Variants in PDE4D observed in about 807,000 individuals in gnomAD.
PDE4D encodes phosphodiesterase 4D.
Under a neutral mutation model 87.4 loss-of-function variants are expected in PDE4D, and 24 were observed. The ratio of observed to expected loss-of-function variants is 0.27; its 90% CI spans 0.20 to 0.39. The LOEUF is 0.39. Among genes scored for constraint, PDE4D ranks in the 10% least tolerant of loss-of-function variants. PDE4D has a pLI of 1.00. For synonymous variants in PDE4D, 384 were observed against 383.2 expected (o/e 1.00, Z -0.02); for missense variants, 714 against 1,041.0 (o/e 0.69, Z 4.32).
At position 58,988,523 on chromosome 5, in the gene PDE4D, C is replaced by G; in HGVS notation, c.1522G>C (p.Gly508Arg). 6.7e-7 allele frequency: 1 copy of G among 1,496,368 alleles called. No individual in the cohort carries two copies. The highest frequency in any genetic ancestry group is 9.0e-7 in the Non-Finnish European group (1 of 1,111,474). The allele number at this position is 1,496,368 out of a possible 1,614,324, so 92.7% of individuals were successfully genotyped here. A position where few individuals can be genotyped will look rare whatever the true frequency, so the allele number is the denominator to read the frequency against. ...ASAIHDVDHP[G>R]VSNQFLINTN... ...TTGATCAGAAATTGATTGGACACAC[C>G]AGGATGATCTACATCATGTATTGCA... Residue 508 changes from glycine to arginine, a missense_variant, in exon 11 of 15, where the codon GGT becomes CGT. Around this residue, in one of 7 missense-constraint regions of PDE4D, gnomAD observed 141 missense variants for 204.3 expected, o/e 0.69. Transcript: ENST00000340635.
rs556790679 is a variant in PDE4D, at chr5:58,986,618, T to A, written c.1552+1875A>T. On this transcript the variant is annotated intron_variant, in intron 11 of 14. Coordinates refer to ENST00000340635, the MANE Select transcript of PDE4D (RefSeq NM_001104631.2). ...AGGGATCTAGGTTGTGCGTTCCTTA[T>A]GAGAATCTAACTAATGCCTGATGAT... Among the ~76,000 whole-genome samples the A allele has an allele frequency of 2.0e-5, 3 of 152,110 alleles. No individual in the cohort carries two copies. In the South Asian group the frequency reaches 6.2e-4, roughly 32 times the overall value.
intron 2 of PDE4D, among the ~76,000 whole-genome samples, chr5:59,208,969 TG>T (rs1420738387): frequency 1.3e-5 from 2 of 152,056 alleles, no homozygotes; most frequent in Non-Finnish European, 2.9e-5. Flanking sequence ...CACACAGCAA[TG>T]GAAGAAAAAG....
intron 2 of PDE4D, among the ~76,000 whole-genome samples, chr5:60,090,335 C>A (rs1241434791): frequency 6.6e-6 from 1 of 152,058 alleles, no homozygotes; most frequent in Non-Finnish European, 1.5e-5. Context: ...TCATTATGAC[C>A]AAGTGGGATT....
At chr5:59,486,739 C>T (rs1293186851) in intron 1 of PDE4D, among the ~76,000 whole-genome samples, 5 of 152,134 alleles carry the variant, frequency 3.3e-5, no homozygotes, top group Non-Finnish European at 4.4e-5. Flanking sequence ...TACATTACTT[C>T]CCTTTCTGAG....
intron 1 of PDE4D, among the ~76,000 whole-genome samples, chr5:59,637,916 G>A (rs1340938993): frequency 2.0e-5 from 3 of 152,144 alleles, no homozygotes; most frequent in Non-Finnish European, 2.9e-5. Context: ...TCACTTCAAA[G>A]ACACATCTTT....
At chr5:59,019,815 A>G (rs78718600) in intron 6 of PDE4D, among the ~76,000 whole-genome samples, 15,251 of 152,138 alleles carry the variant, frequency 0.1, 1,017 homozygotes, top group Non-Finnish European at 0.13. Flanking sequence ...ATTAACACAC[A>G]ACAGGCTTAC....
rs961195273 is a variant in PDE4D, at chr5:59,878,899, T to G, written c.455+14269A>C. ...TCTACCGAAGTAAGTTTTTTTTTTT[T>G]TTTTTTTTTTTTTTTTTGAGACAGA... On this transcript the variant is annotated intron_variant, in intron 1 of 14. Coordinates refer to ENST00000340635, the MANE Select transcript of PDE4D (RefSeq NM_001104631.2). 3.2e-3 allele frequency among the ~76,000 whole-genome samples: 407 copies of G among 128,032 alleles called. 6 individuals are homozygous for G. Among genetic ancestry groups the G allele is most frequent in the African/African-American group, 0.013 (390 of 30,638 alleles). The allele number at this position is 128,032 out of a possible 152,430, so 84.0% of individuals were successfully genotyped here. A position where few individuals can be genotyped will look rare whatever the true frequency, so the allele number is the denominator to read the frequency against.
intron 1 of PDE4D, among the ~76,000 whole-genome samples, chr5:59,802,101 A>G (rs1409508746): frequency 6.6e-6 from 1 of 152,190 alleles, no homozygotes; most frequent in Non-Finnish European, 1.5e-5. Context: ...GTACTTAAGA[A>G]ACTCTAAAAC....
chr5:59,970,173 G>T (rs1483183954), intron 3 of PDE4D, among the ~76,000 whole-genome samples: 1 of 152,148 alleles, frequency 6.6e-6, no homozygotes, highest in East Asian at 1.9e-4. Flanking sequence ...CTTTCTCAGT[G>T]GACTAACAGC....
chr5:59,402,780 T>G (rs913577481), intron 1 of PDE4D, among the ~76,000 whole-genome samples: 8 of 151,884 alleles, frequency 5.3e-5, no homozygotes, highest in Non-Finnish European at 8.8e-5. Flanking sequence ...CTCAAACTAT[T>G]TTTTTTTAAA....
intron 5 of PDE4D, among the ~76,000 whole-genome samples, chr5:59,048,340 A>G (rs376892180): frequency 6.6e-6 from 1 of 152,244 alleles, no homozygotes; most frequent in African/African-American, 2.4e-5. Flanking sequence ...TTTCCATCAT[A>G]TACTATCAAT....
intron 1 of PDE4D, among the ~76,000 whole-genome samples, chr5:59,539,885 C>T (rs1487170518): frequency 6.6e-6 from 1 of 152,004 alleles, no homozygotes; most frequent in Non-Finnish European, 1.5e-5. Flanking sequence ...CTTCAAAATT[C>T]TAAATATTGT....
rs114214949 is a variant in PDE4D at position 60,162,616 on chromosome 5, C to T, written c.42+22941G>A. On this transcript the variant is annotated intron_variant, in intron 2 of 16. Transcript: ENST00000502484. ...ATCTACATCAGAATGACCTGGGGAG[C>T]TTGTTTAACTGTGGCAATTCCTGGA... 2.6e-3 allele frequency among the ~76,000 whole-genome samples: 403 copies of T among 152,170 alleles called. 3 individuals carry two copies. Among genetic ancestry groups the T allele is most frequent in the African/African-American group, 9.3e-3 (387 of 41,530 alleles).
At chr5:59,294,109 A>G (rs1768578730) in intron 1 of PDE4D, among the ~76,000 whole-genome samples, 1 of 152,174 alleles carries the variant, frequency 6.6e-6, no homozygotes, top group Non-Finnish European at 1.5e-5. Flanking sequence ...TCTTTGGATT[A>G]TGTAAAATTA....
chr5:59,539,739 T>TCAAAAATAA (rs1561159245), intron 1 of PDE4D, among the ~76,000 whole-genome samples: 1 of 152,084 alleles, frequency 6.6e-6, no homozygotes, highest in Non-Finnish European at 1.5e-5. Flanking sequence ...TCTTAATTTT[T>TCAAAAATAA]CAAAAATAAC....
intron 1 of PDE4D, among the ~76,000 whole-genome samples, chr5:59,722,255 T>G (rs1212207763): frequency 1.3e-5 from 2 of 152,218 alleles, no homozygotes; most frequent in Non-Finnish European, 2.9e-5. Flanking sequence ...TCTTTTGACA[T>G]AAATAAGATG....
intron 1 of PDE4D, among the ~76,000 whole-genome samples, chr5:59,672,389 T>G (rs979163496): frequency 2.0e-5 from 3 of 152,120 alleles, no homozygotes; most frequent in African/African-American, 7.2e-5. Context: ...ATGAAAAAGT[T>G]TATATCACCC....
intron 11 of PDE4D, among the ~76,000 whole-genome samples, chr5:58,987,650 A>C (rs1330581785): frequency 2.1e-5 from 3 of 139,628 alleles, no homozygotes; most frequent in Non-Finnish European, 4.7e-5. Flanking sequence ...AATGAAAGAA[A>C]GGTGGATTCT....
intron 1 of PDE4D, among the ~76,000 whole-genome samples, chr5:59,841,990 T>C (rs1050279913): frequency 2.0e-5 from 3 of 152,006 alleles, no homozygotes; most frequent in African/African-American, 7.2e-5. Context: ...AAGGGTTTCC[T>C]TTGCCTAGGT....
Sources: gnomAD v4.1 joint callset for allele counts (sites outside exome capture counted in the v4.1 genomes callset) on GRCh38, gnomAD v4.1.1 for gene constraint, gnomAD v4.1.1 regional missense constraint, MANE v1.5 for transcripts, NCBI Gene and HGNC (gene_info 2026-07-23, HGNC 2026-07-21) for gene names.